Variants in ALG13 observed in about 807,000 individuals in gnomAD.
The protein encoded by ALG13 is ALG13 UDP-N-acetylglucosaminyltransferase subunit, also known as UDP-N-acetylglucosamine transferase subunit ALG13.
Under a neutral mutation model 87.8 loss-of-function variants are expected in ALG13, and 11 were observed. The observed-to-expected ratio is 0.13, with a 90% CI of 0.08 to 0.21. The LOEUF (loss-of-function observed/expected upper bound fraction) is 0.21, where lower values mean the gene tolerates loss of function less well. ALG13 is among the 10% of genes least tolerant of loss of function. The pLI, the probability that ALG13 is intolerant of heterozygous loss-of-function variation, is 1.00. For synonymous variants in ALG13, 320 were observed against 306.3 expected (o/e 1.04, Z -0.47); for missense variants, 756 against 866.1 (o/e 0.87, Z 1.60).
chrX:111,721,162 C>T (rs1458670090), intron 11 of ALG13, among the ~76,000 whole-genome samples: 3 of 20,186 alleles, frequency 1.5e-4, no homozygotes, highest in African/African-American at 4.0e-4. Context: ...ATTCTTCCTT[C>T]TTCATAGAAG....
intron 25 of ALG13, among the ~76,000 whole-genome samples, chrX:111,754,656 A>G (rs985797574): frequency 3.7e-4 from 41 of 112,038 alleles, no homozygotes; most frequent in African/African-American, 1.3e-3. Context: ...CCAAACCATG[A>G]GTGAATTCCC....
intron 24 of ALG13, among the ~76,000 whole-genome samples, chrX:111,748,487 T>C (rs972957107): frequency 9.0e-6 from 1 of 111,468 alleles, no homozygotes; most frequent in East Asian, 2.8e-4. Flanking sequence ...TGTAGATTCA[T>C]ATTTTTGCAT....
At chrX:111,717,807 T>C (rs1439078455) in intron 8 of ALG13, 39 bp from the exon 9 acceptor site, 1 of 972,400 alleles carries the variant, frequency 1.0e-6, no homozygotes, top group African/African-American at 1.9e-5. Context: ...TTTTAAGATG[T>C]GTAACATTCA....
intron 14 of ALG13, 119 bp from the exon 15 acceptor site, chrX:111,724,815 A>G: frequency 1.3e-6 from 1 of 746,341 alleles, no homozygotes; most frequent in Non-Finnish European, 1.9e-6. Flanking sequence ...AAACAAGGAA[A>G]CTGGTGTCAA....
At chrX:111,736,649 GATCAGATA>G in intron 22 of ALG13, 57 bp from the exon 23 acceptor site, 1 of 1,028,342 alleles carries the variant, frequency 9.7e-7, no homozygotes, top group Non-Finnish European at 1.3e-6. Flanking sequence ...TGAAGTTTAG[GATCAGATA>G]ATCTACTGTT....
intron 1 of ALG13, 169 bp from the exon 2 acceptor site, chrX:111,681,963 G>A: frequency 1.2e-6 from 1 of 857,330 alleles, no homozygotes; most frequent in Non-Finnish European, 1.5e-6. Context: ...GTTCCTCGTC[G>A]GGCCCCGGAC....
intron 3 of ALG13, 69 bp downstream of exon 3, chrX:111,685,172 A>T (rs1934616604): frequency 2.8e-6 from 3 of 1,077,174 alleles, no homozygotes; most frequent in African/African-American, 3.8e-5. Flanking sequence ...TTATCCACCT[A>T]CCTAACCCAT....
chrX:111,709,983 A>G (rs1323735639), intron 5 of ALG13, among the ~76,000 whole-genome samples: 2 of 110,744 alleles, frequency 1.8e-5, no homozygotes, highest in Non-Finnish European at 3.8e-5. Flanking sequence ...TCTTGTTAAA[A>G]TACAGGTTTT....
intron 3 of ALG13, chrX:111,690,072 A>G (rs1456009474): frequency 1.3e-6 from 1 of 744,718 alleles, no homozygotes; most frequent in African/African-American, 2.3e-5. Context: ...GAGATAATTT[A>G]AAGAATATTT....
chrX:111,703,991 G>A (rs1938335835), intron 3 of ALG13, among the ~76,000 whole-genome samples: 1 of 112,106 alleles, frequency 8.9e-6, no homozygotes, highest in Middle Eastern at 4.2e-3. Context: ...ACGTATGAGA[G>A]TTCCAGTTCT....
At chrX:111,745,892 G>A (rs1944199816) in intron 24 of ALG13, among the ~76,000 whole-genome samples, 1 of 110,733 alleles carries the variant, frequency 9.0e-6, no homozygotes, top group African/African-American at 3.3e-5. Flanking sequence ...ACCTGTACCC[G>A]AGATGTACTT....
chrX:111,720,246 ATAT>A, intron 11 of ALG13, 76 bp downstream of exon 11: 1 of 689,653 alleles, frequency 1.5e-6, no homozygotes, highest in Admixed American at 3.7e-5. Flanking sequence ...TTAAAGTCAG[ATAT>A]TATATTCTAG....
At chrX:111,715,927 A>T (rs1940525584) in intron 8 of ALG13, among the ~76,000 whole-genome samples, 1 of 111,694 alleles carries the variant, frequency 9.0e-6, no homozygotes, top group Admixed American at 9.5e-5. Context: ...ATCTTCACTC[A>T]GCTCATTTGC....
chrX:111,724,843 A>G (rs1941798521), intron 14 of ALG13, 91 bp from the exon 15 acceptor site: 1 of 953,406 alleles, frequency 1.0e-6, no homozygotes, highest in Non-Finnish European at 1.4e-6. Flanking sequence ...TTAATAGAAT[A>G]CACTTGAAGT....
intron 23 of ALG13, among the ~76,000 whole-genome samples, chrX:111,744,323 T>A (rs1944023750): frequency 8.9e-6 from 1 of 112,012 alleles, no homozygotes; most frequent in African/African-American, 3.2e-5. Context: ...ATTCTTAAAT[T>A]TGCATTGGGT....
At position 111,688,029 on chromosome X, in the gene ALG13, A is replaced by G. The variant is rs759406204; in HGVS notation, c.383+2926A>G. The G allele has an allele frequency of 1.0e-5, 11 of 1,097,483 alleles. No homozygotes were observed. In the African/African-American group the frequency reaches 2.1e-4, roughly 21 times the overall value. The allele number at this position is 1,097,483 out of a possible 1,213,427, so 90.4% of individuals were successfully genotyped here. A position where few individuals can be genotyped will look rare whatever the true frequency, so the allele number is the denominator to read the frequency against. ...ACTAAACTCTCAACACTTTAAAAGC[A>G]ACCCCCAAATTCAACCTATGTAATG... On this transcript the variant is annotated intron_variant, in intron 3 of 26. Transcript: ENST00000394780.
intron 8 of ALG13, among the ~76,000 whole-genome samples, chrX:111,717,541 CTT>C (rs773345817): frequency 8.6e-5 from 7 of 81,253 alleles, no homozygotes; most frequent in Admixed American, 1.3e-4. Flanking sequence ...CTAAGTGTTC[CTT>C]TTTTTTTTTT....
Position 111,722,796 on chromosome X carries a change from T to G in ALG13, c.1439T>G (p.Leu480Arg). 8.4e-7 allele frequency: 1 copy of G among 1,189,662 alleles called. No homozygotes were observed. The highest frequency in any genetic ancestry group is 1.7e-5 in the African/African-American group (1 of 57,407). ...AATCTTCATTTTCTTTTAATAGAAC[T>G]TCAAAAATCTGATTACATGGAGTAT... ...FDVWLDSRKELQKSDYMEYAG... is the reference protein window; with the variant it reads ...FDVWLDSRKERQKSDYMEYAG... Residue 480 changes from leucine to arginine, a missense_variant, in exon 13 of 27, where the codon CTT becomes CGT. Leu to Arg is a moderately radical substitution (Grantham distance 102, BLOSUM62 -2). This residue lies in a region of ALG13 where 362 missense variants were observed against 383.5 expected (regional missense o/e 0.94). Coordinates refer to ENST00000394780, the MANE Select transcript of ALG13 (RefSeq NM_001099922.3).
intron 3 of ALG13, among the ~76,000 whole-genome samples, chrX:111,707,316 A>G (rs191816298): frequency 3.2e-4 from 36 of 112,659 alleles, no homozygotes; most frequent in African/African-American, 1.1e-3. Flanking sequence ...CCATTTTTAA[A>G]GAAACACACT....
Sources: allele counts gnomAD v4.1 joint callset (sites outside exome capture counted in the v4.1 genomes callset), GRCh38; gene constraint gnomAD v4.1.1; regional missense constraint gnomAD v4.1.1; transcripts MANE v1.5; gene names NCBI Gene and HGNC (gene_info 2026-07-23, HGNC 2026-07-21).